Variants in SYNE1 observed in about 807,000 individuals in gnomAD.
The protein encoded by SYNE1 is nesprin-1.
In SYNE1, 616 loss-of-function variants were observed where a neutral mutation model predicts 1,111.0. That is an observed-to-expected ratio of 0.55 (90% CI 0.52 to 0.59). SYNE1 has a LOEUF of 0.59. Ranked by LOEUF, SYNE1 falls within the 20% of genes least tolerant of loss-of-function variation. SYNE1 has a pLI of 0.00. For synonymous variants in SYNE1, 3,855 were observed against 3,825.8 expected (o/e 1.01, Z -0.28); for missense variants, 10,006 against 10,417.0 (o/e 0.96, Z 1.72).
Position 152,463,407 on chromosome 6 carries a change from C to T in SYNE1, c.2043G>A (p.Gln681=), listed in dbSNP as rs1215909979. The T allele has an allele frequency of 6.2e-7, 1 of 1,613,684 alleles. No individual in the cohort carries two copies. The highest frequency in any genetic ancestry group is 1.3e-5 in the African/African-American group (1 of 74,890). The change falls in exon 19 of 146, where the codon CAG becomes CAA. Residue 681 remains glutamine (Q), a synonymous_variant. Transcript: ENST00000367255. ...ACCGCCCATTTAGCAACAGTAATTG[C>T]TGCTTCAGGTCACGGGAAACCATCT... ...CDEMVSRDLK[Q]QLLLLNGRWR...
chr6:152,363,486 T>A (rs923156844), intron 63 of SYNE1, among the ~76,000 whole-genome samples: 1 of 148,832 alleles, frequency 6.7e-6, no homozygotes, highest in Non-Finnish European at 1.5e-5. Flanking sequence ...AGAGCAAGAC[T>A]CCGTCTCAAA....
intron 11 of SYNE1, among the ~76,000 whole-genome samples, chr6:152,491,236 G>A (rs1299943166): frequency 6.6e-5 from 10 of 151,222 alleles, no homozygotes. Context: ...GGGGATGCCT[G>A]CCTGATTATT....
chr6:152,189,189 C>T lies in SYNE1; in HGVS notation c.23301+63G>A, dbSNP rs144814446. The T allele has an allele frequency of 2.5e-3, 3,955 of 1,583,076 alleles. 98 individuals are homozygous for T. The South Asian group carries it at 0.031, about 12-fold the overall frequency. On this transcript the variant is annotated intron_variant, in intron 128 of 145. Coordinates refer to ENST00000367255, the MANE Select transcript of SYNE1 (RefSeq NM_182961.4). ...TCCACATGTGGGTTAACCCATCTGA[C>T]GTTCAAATTCATCTCCCAATTTTCC...
At chr6:152,309,348 C>T (rs2095479644) in intron 90 of SYNE1, among the ~76,000 whole-genome samples, 1 of 152,140 alleles carries the variant, frequency 6.6e-6, no homozygotes, top group Non-Finnish European at 1.5e-5. Flanking sequence ...ATAAGGTAAA[C>T]ACTGTCATTT....
chr6:152,590,591 T>C (rs554085693), intron 3 of SYNE1, among the ~76,000 whole-genome samples: 90 of 152,160 alleles, frequency 5.9e-4, no homozygotes, highest in Admixed American at 1.6e-3. Flanking sequence ...AAGTGCAAAA[T>C]AATAGTCTTA....
At chr6:152,203,029 T>C (rs1196176475) in intron 126 of SYNE1, among the ~76,000 whole-genome samples, 2 of 152,168 alleles carry the variant, frequency 1.3e-5, no homozygotes, top group African/African-American at 4.8e-5. Flanking sequence ...GTGGTAGAGA[T>C]AGGCAGTATA....
intron 53 of SYNE1, among the ~76,000 whole-genome samples, chr6:152,389,756 T>C (rs971004321): frequency 2.0e-5 from 3 of 152,198 alleles, no homozygotes; most frequent in Non-Finnish European, 4.4e-5. Flanking sequence ...GTTCCACACT[T>C]TGTAGGATAT....
intron 14 of SYNE1, among the ~76,000 whole-genome samples, chr6:152,472,960 G>T (rs2098815121): frequency 6.6e-6 from 1 of 152,084 alleles, no homozygotes; most frequent in Non-Finnish European, 1.5e-5. Context: ...CAAGTGCAGG[G>T]AATACCCCAT....
At chr6:152,296,523 C>T (rs758790367) in intron 93 of SYNE1, among the ~76,000 whole-genome samples, 1 of 152,198 alleles carries the variant, frequency 6.6e-6, no homozygotes, top group Non-Finnish European at 1.5e-5. Flanking sequence ...CCTTAACATC[C>T]ACTGCTTATG....
chr6:152,465,362 C>T lies in SYNE1; in HGVS notation c.1828G>A (p.Glu610Lys). The T allele has an allele frequency of 6.2e-7, 1 of 1,613,880 alleles. No homozygotes were observed. Among genetic ancestry groups the T allele is most frequent in the African/African-American group, 1.3e-5 (1 of 75,026 alleles). Residue 610 changes from glutamate to lysine, a missense_variant, in exon 18 of 146, where the codon GAA becomes AAA. Transcript: ENST00000367255. ...TAGCGATCCCAGTTAGAGATCACTTCTTCCAGCATGCTCCTCACACTCCTC... is the reference window on the plus strand; with the variant it reads ...TAGCGATCCCAGTTAGAGATCACTTTTTCCAGCATGCTCCTCACACTCCTC... Reference protein sequence around the residue: ...EVRSVRSMLEEVISNWDRYGN... With the variant: ...EVRSVRSMLEKVISNWDRYGN...
At chr6:152,327,276 AAAAC>A (rs35111293) in intron 78 of SYNE1, among the ~76,000 whole-genome samples, 11,237 of 151,892 alleles carry the variant, frequency 0.074, 891 homozygotes, top group East Asian at 0.46. Flanking sequence ...TGTCTCTCAA[AAAAC>A]AAACAAACAA....
At chr6:152,206,121 A>G (rs2076459945) in intron 126 of SYNE1, 47 bp downstream of exon 126, 2 of 1,576,970 alleles carry the variant, frequency 1.3e-6, no homozygotes, top group Non-Finnish European at 1.7e-6. Flanking sequence ...GAAGTAGTAC[A>G]ACGACTAAAA....
In SYNE1 at chr6:152,465,363, T is replaced by C; in HGVS notation, c.1827A>G (p.Glu609=). The C allele has an allele frequency of 6.2e-7, 1 of 1,613,896 alleles. No homozygotes were observed. The highest frequency in any genetic ancestry group is 8.5e-7 in the Non-Finnish European group (1 of 1,179,860). ...AGCGATCCCAGTTAGAGATCACTTC[T>C]TCCAGCATGCTCCTCACACTCCTCA... is the stretch of plus-strand genomic sequence containing the variant. ...VEVRSVRSML[E]EVISNWDRYG... The change falls in exon 18 of 146, where the codon GAA becomes GAG. Residue 609 remains glutamate, a synonymous_variant. Coordinates refer to ENST00000367255, the MANE Select transcript of SYNE1 (RefSeq NM_182961.4).
intron 145 of SYNE1, chr6:152,125,636 TAAC>T (rs1488674238): frequency 6.7e-6 from 2 of 299,922 alleles, no homozygotes; most frequent in African/African-American, 4.3e-5. Flanking sequence ...AGATGAGTTA[TAAC>T]AGAGTGACTG....
At chr6:152,583,122 G>A (rs2099525984) in intron 3 of SYNE1, among the ~76,000 whole-genome samples, 1 of 152,130 alleles carries the variant, frequency 6.6e-6, no homozygotes, top group Non-Finnish European at 1.5e-5. Context: ...TAATATAAAA[G>A]TTACTTTGCA....
At chr6:152,521,525 C>T (rs78071085) in intron 5 of SYNE1, among the ~76,000 whole-genome samples, 3,702 of 152,232 alleles carry the variant, frequency 0.024, 145 homozygotes, top group African/African-American at 0.084. Context: ...TTGACAGATA[C>T]CTTAAACATA....
chr6:152,530,970 T>G (rs1308448869), intron 4 of SYNE1, among the ~76,000 whole-genome samples: 1 of 144,614 alleles, frequency 6.9e-6, no homozygotes, highest in Non-Finnish European at 1.5e-5. Context: ...GAATCATCCC[T>G]TTGCCCAGGG....
chr6:152,331,158 T>C lies in SYNE1; in HGVS notation c.13527A>G (p.Glu4509=). Residue 4509 remains glutamate, a synonymous_variant, in exon 78 of 146, where the codon GAA becomes GAG. Transcript: ENST00000367255. ...AQASLKTYQN[E]VTGLWAQGRE... ...GACCCTGGGCCCAAAGTCCAGTGAC[T>C]TCATTTTGGTAAGTCTTGAGGCTGG... 1 of 1,614,160 alleles carries C rather than the reference T, an allele frequency of 6.2e-7. No homozygotes were observed. The highest frequency in any genetic ancestry group is 1.1e-5 in the South Asian group (1 of 91,082).
Position 152,350,616 on chromosome 6 carries a change from A to G in SYNE1, c.11733+2T>C. On this transcript the variant is annotated splice_donor_variant, in intron 71 of 145. Transcript: ENST00000367255. LOFTEE classifies it high-confidence loss of function. ...TTTACGGAGTCTTTCATCTCTCCTT[A>G]CCTTTCCTATGCTGCACAGGTCCTG... The G allele has an allele frequency of 6.2e-7, 1 of 1,614,116 alleles. No individual in the cohort carries two copies. The highest frequency in any genetic ancestry group is 8.5e-7 in the Non-Finnish European group (1 of 1,180,010).
Sources: allele counts gnomAD v4.1 joint callset (sites outside exome capture counted in the v4.1 genomes callset), GRCh38; gene constraint gnomAD v4.1.1; transcripts MANE v1.5; gene names NCBI Gene and HGNC (gene_info 2026-07-23, HGNC 2026-07-21).